Variants in TRPC5 observed in about 807,000 individuals in gnomAD.
TRPC5 encodes transient receptor potential cation channel subfamily C member 5.
Under a neutral mutation model 56.5 loss-of-function variants are expected in TRPC5, and 9 were observed. The ratio of observed to expected loss-of-function variants is 0.16; its 90% CI spans 0.10 to 0.28. The LOEUF (loss-of-function observed/expected upper bound fraction) is 0.28. TRPC5 is among the 10% of genes least tolerant of loss of function. The pLI is 1.00. For missense variants in TRPC5, 469 were observed against 748.9 expected (o/e 0.63, Z 4.36); for synonymous variants, 282 against 278.5 (o/e 1.01, Z -0.13).
chrX:111,932,584 C>T (rs964734177), intron 2 of TRPC5, among the ~76,000 whole-genome samples: 2 of 111,047 alleles, frequency 1.8e-5, no homozygotes, highest in African/African-American at 6.6e-5. Context: ...TGGCCCTTTC[C>T]TTTCACCATA....
At chrX:112,051,889 G>A (rs921494794) in intron 1 of TRPC5, among the ~76,000 whole-genome samples, 1 of 111,891 alleles carries the variant, frequency 8.9e-6, no homozygotes, top group Non-Finnish European at 1.9e-5. Context: ...GGCTTTTTCC[G>A]AGCGGCTTAT....
chrX:111,772,211 G>A lies in TRPC5; in HGVS notation c.*4102C>T, dbSNP rs1945847292. 9.0e-6 allele frequency among the ~76,000 whole-genome samples: 1 copy of A among 111,656 alleles called. No individual in the cohort carries two copies. The highest frequency in any genetic ancestry group is 3.2e-5 in the African/African-American group (1 of 30,771). On this transcript the variant is annotated 3_prime_UTR_variant, in exon 11 of 11. Coordinates refer to ENST00000262839, the MANE Select transcript of TRPC5 (RefSeq NM_012471.3). ...TGCCGAGTCCTACACCAACAAGGTG[G>A]ATATTTGGAGCAATTATCTAGATAA...
At position 111,884,550 on chromosome X, in the gene TRPC5, C is replaced by T. The variant is rs1603075200; in HGVS notation, c.900+27741G>A. Among the ~76,000 whole-genome samples the T allele has an allele frequency of 3.5e-5, 4 of 112,709 alleles. 1 individual carries two copies. Among genetic ancestry groups the T allele is most frequent in the Admixed American group, 2.8e-4 (3 of 10,717 alleles). On this transcript the variant is annotated intron_variant, in intron 3 of 10. Transcript: ENST00000262839. ...GGCCAAAGCCCAGTTAAGGTTTAGT[C>T]AGAAGCCAGTTGAAGCCTAGCCAAG... is the stretch of plus-strand genomic sequence containing the variant.
intron 3 of TRPC5, among the ~76,000 whole-genome samples, chrX:111,876,692 G>A (rs1483736549): frequency 9.0e-6 from 1 of 111,261 alleles, no homozygotes; most frequent in Admixed American, 9.6e-5. Context: ...AGGCTTTAAT[G>A]AGTCTCTACC....
At chrX:111,933,692 C>A (rs999555125) in intron 2 of TRPC5, among the ~76,000 whole-genome samples, 2 of 111,369 alleles carry the variant, frequency 1.8e-5, no homozygotes, top group African/African-American at 3.3e-5. Context: ...CGTGTTAGAT[C>A]AAGTTTAAAT....
intron 1 of TRPC5, among the ~76,000 whole-genome samples, chrX:112,030,440 C>A (rs1370349165): frequency 1.8e-5 from 2 of 112,273 alleles, no homozygotes; most frequent in Non-Finnish European, 3.8e-5. Context: ...CTATAGCATT[C>A]CGAATCCTGG....
chrX:111,807,631 T>C (rs2148563551), intron 7 of TRPC5, among the ~76,000 whole-genome samples: 1 of 112,319 alleles, frequency 8.9e-6, no homozygotes, highest in East Asian at 2.8e-4. Context: ...TGCTGGTCCA[T>C]ATTTATCTGT....
intron 4 of TRPC5, among the ~76,000 whole-genome samples, chrX:111,852,772 T>C (rs1051537774): frequency 8.9e-6 from 1 of 111,896 alleles, no homozygotes; most frequent in African/African-American, 3.3e-5. Context: ...ATTTCATCAA[T>C]AAATTAATTA....
intron 1 of TRPC5, among the ~76,000 whole-genome samples, chrX:112,032,768 A>T (rs1316595294): frequency 3.6e-5 from 4 of 112,158 alleles, no homozygotes; most frequent in Non-Finnish European, 7.5e-5. Flanking sequence ...ATTTTTGTAC[A>T]TCTTCATCAA....
intron 7 of TRPC5, among the ~76,000 whole-genome samples, chrX:111,806,113 CT>C (rs1921501895): frequency 8.9e-6 from 1 of 111,753 alleles, no homozygotes. Flanking sequence ...ATGAATTTTA[CT>C]TAATATGTTG....
rs766498213 is a variant in TRPC5, at chrX:111,945,701, A to G, written c.378+6342T>C. On this transcript the variant is annotated intron_variant, in intron 2 of 10. Coordinates refer to ENST00000262839, the MANE Select transcript of TRPC5 (RefSeq NM_012471.3). ...AGACTAAAAGACGGGGAAGAGCACAAGAGTCTGGGATAAGGATAGAGCAGA... is the reference window on the plus strand; with the variant it reads ...AGACTAAAAGACGGGGAAGAGCACAGGAGTCTGGGATAAGGATAGAGCAGA... Among the ~76,000 whole-genome samples, 4 of 112,094 alleles carry G rather than the reference A, an allele frequency of 3.6e-5. No individual in the cohort carries two copies. In the South Asian group the frequency reaches 1.1e-3, roughly 32 times the overall value.
intron 2 of TRPC5, among the ~76,000 whole-genome samples, chrX:111,920,870 T>G (rs2148624193): frequency 8.9e-6 from 1 of 111,801 alleles, no homozygotes; most frequent in South Asian, 3.8e-4. Flanking sequence ...GTACATAAGG[T>G]TTCTCCTAGT....
chrX:111,794,020 A>G (rs1206731447), intron 7 of TRPC5, among the ~76,000 whole-genome samples: 1 of 111,622 alleles, frequency 9.0e-6, no homozygotes, highest in Middle Eastern at 4.2e-3. Flanking sequence ...ATAGAAACAG[A>G]AAGTAGATTA....
At chrX:111,934,393 C>A (rs1242687506) in intron 2 of TRPC5, among the ~76,000 whole-genome samples, 1 of 110,535 alleles carries the variant, frequency 9.0e-6, no homozygotes, top group East Asian at 2.8e-4. Flanking sequence ...TACATTGATA[C>A]AAGCATACCA....
At chrX:111,831,048 C>A (rs1299486516) in intron 7 of TRPC5, among the ~76,000 whole-genome samples, 2 of 112,049 alleles carry the variant, frequency 1.8e-5, no homozygotes, top group East Asian at 5.6e-4. Flanking sequence ...TAGGGTTTTG[C>A]CTACTATAGT....
rs776882034 is a variant in TRPC5, at chrX:112,016,527, G to C, written c.-21-64086C>G. Reference sequence around the variant, plus strand: ...CAGACAGGGGTGCTCAGAAAGCATAGTTGGCAGGTCAGTCCTGATACCCTT... The same window carrying C: ...CAGACAGGGGTGCTCAGAAAGCATACTTGGCAGGTCAGTCCTGATACCCTT... On this transcript the variant is annotated intron_variant, in intron 1 of 10. Coordinates refer to ENST00000262839, the MANE Select transcript of TRPC5 (RefSeq NM_012471.3). Among the ~76,000 whole-genome samples, 7 of 111,576 alleles carry C rather than the reference G, an allele frequency of 6.3e-5. No homozygotes were observed. In the South Asian group the frequency reaches 2.7e-3, roughly 43 times the overall value.
At chrX:111,928,394 AT>A (rs1441342251) in intron 2 of TRPC5, among the ~76,000 whole-genome samples, 1 of 112,047 alleles carries the variant, frequency 8.9e-6, no homozygotes, top group Non-Finnish European at 1.9e-5. Flanking sequence ...GTTTTCTAAT[AT>A]TTTTATAATG....
chrX:111,967,914 C>G (rs1569528852), intron 1 of TRPC5, among the ~76,000 whole-genome samples: 1 of 110,968 alleles, frequency 9.0e-6, no homozygotes, highest in African/African-American at 3.3e-5. Context: ...TAGGCATGGG[C>G]AAGGACTTCA....
intron 1 of TRPC5, among the ~76,000 whole-genome samples, chrX:112,081,642 G>A (rs1385086743): frequency 1.8e-5 from 2 of 111,531 alleles, no homozygotes; most frequent in African/African-American, 6.5e-5. Flanking sequence ...TTTGGTCATC[G>A]CAGGCAGCAC....
Sources: allele counts gnomAD v4.1 joint callset (sites outside exome capture counted in the v4.1 genomes callset), GRCh38; gene constraint gnomAD v4.1.1; transcripts MANE v1.5; gene names NCBI Gene and HGNC (gene_info 2026-07-23, HGNC 2026-07-21).